Variants in PDE4D observed in about 807,000 individuals in gnomAD.
The protein encoded by PDE4D is 3',5'-cyclic-AMP phosphodiesterase 4D.
A neutral mutation model predicts 87.4 loss-of-function variants in PDE4D; 24 were observed. The ratio of observed to expected loss-of-function variants is 0.27; its 90% CI spans 0.20 to 0.39. The LOEUF (loss-of-function observed/expected upper bound fraction) is 0.39, where lower values mean the gene tolerates loss of function less well. PDE4D is among the 10% of genes least tolerant of loss of function. PDE4D has a pLI of 1.00. For missense variants in PDE4D, 714 were observed against 1,041.0 expected (o/e 0.69, Z 4.32); for synonymous variants, 384 against 383.2 (o/e 1.00, Z -0.02).
At chr5:59,554,543 T>A (rs1419679365) in intron 1 of PDE4D, among the ~76,000 whole-genome samples, 2 of 152,156 alleles carry the variant, frequency 1.3e-5, no homozygotes, top group Non-Finnish European at 2.9e-5. Context: ...GCGAGCAATA[T>A]CTAAAATCAA....
intron 1 of PDE4D, among the ~76,000 whole-genome samples, chr5:59,771,499 G>GAGAGAGAAGAAAGAAAGAAAGAAAGA (rs1554081503): frequency 5.1e-4 from 10 of 19,722 alleles, no homozygotes; most frequent in African/African-American, 8.1e-4. Flanking sequence ...GAGAGAGAGA[G>GAGAGAGAAGAAAGAAAGAAAGAAAGA]AAGAAAGAAA....
chr5:60,421,455 C>T (rs557935576), intron 1 of PDE4D, among the ~76,000 whole-genome samples: 81 of 152,336 alleles, frequency 5.3e-4, no homozygotes, highest in African/African-American at 1.9e-3. Flanking sequence ...AGGGACCTGA[C>T]TGTTAGGAGG....
chr5:60,511,725 C>A (rs988807835), intron 1 of PDE4D, among the ~76,000 whole-genome samples: 5 of 151,706 alleles, frequency 3.3e-5, no homozygotes, highest in Non-Finnish European at 7.4e-5. Context: ...CTATTCCAGC[C>A]CAGGTTTGTC....
chr5:60,185,926 T>C (rs1217332462), intron 1 of PDE4D, among the ~76,000 whole-genome samples: 1 of 134,400 alleles, frequency 7.4e-6, no homozygotes, highest in African/African-American at 2.8e-5. Flanking sequence ...ACTCTACAGT[T>C]TTAGTGGCTG....
chr5:59,163,078 A>G (rs1781375843), intron 5 of PDE4D, among the ~76,000 whole-genome samples: 1 of 149,374 alleles, frequency 6.7e-6, no homozygotes. Context: ...GATTACAGGC[A>G]TGTGCCACCA....
chr5:59,794,948 C>T (rs886359535), intron 1 of PDE4D, among the ~76,000 whole-genome samples: 15 of 152,132 alleles, frequency 9.9e-5, no homozygotes, highest in Non-Finnish European at 1.9e-4. Flanking sequence ...GAGAAGCTGC[C>T]TGAGTTCAGC....
chr5:59,056,962 G>T (rs1762469256), intron 5 of PDE4D, among the ~76,000 whole-genome samples: 2 of 152,064 alleles, frequency 1.3e-5, no homozygotes, highest in Admixed American at 6.6e-5. Context: ...TTCACTTTTT[G>T]CTCCCATTAT....
chr5:59,580,877 AT>A (rs950761401), intron 1 of PDE4D, among the ~76,000 whole-genome samples: 13 of 151,330 alleles, frequency 8.6e-5, no homozygotes, highest in East Asian at 1.9e-4. Flanking sequence ...TTTTTAAATT[AT>A]TTTTTTTTAG....
At chr5:59,080,005 A>C (rs939381668) in intron 5 of PDE4D, among the ~76,000 whole-genome samples, 2 of 152,038 alleles carry the variant, frequency 1.3e-5, no homozygotes, top group African/African-American at 4.8e-5. Context: ...GTACAACTTA[A>C]AACTCAGCTG....
intron 3 of PDE4D, among the ~76,000 whole-genome samples, chr5:59,985,726 C>T (rs1368927745): frequency 6.6e-6 from 1 of 152,040 alleles, no homozygotes; most frequent in African/African-American, 2.4e-5. Flanking sequence ...CATAGTCATT[C>T]CTTGGTATAT....
chr5:60,320,279 G>A (rs1033006440), intron 1 of PDE4D, among the ~76,000 whole-genome samples: 1 of 152,240 alleles, frequency 6.6e-6, no homozygotes, highest in Non-Finnish European at 1.5e-5. Flanking sequence ...GACCCTCTGA[G>A]CCATGCACGG....
In PDE4D at chr5:58,977,324, T is replaced by C; in HGVS notation, c.1574A>G (p.Tyr525Cys). ...INTNSELALMYNDSSVLENHH... is the reference protein window; with the variant it reads ...INTNSELALMCNDSSVLENHH... ...GTTCTCTAAGACTGAGGAATCATTG[T>C]ACATCAAGGCAAGTTCAGAGTCTGT... The change falls in exon 12 of 15, where the codon TAC (tyrosine) becomes TGC (cysteine). Residue 525 changes from tyrosine (Y) to cysteine (C), a missense_variant. Around this residue, in one of 7 missense-constraint regions of PDE4D, gnomAD observed 26 missense variants for 96.9 expected, o/e 0.27. Coordinates refer to ENST00000340635, the MANE Select transcript of PDE4D (RefSeq NM_001104631.2). The C allele has an allele frequency of 6.2e-7, 1 of 1,611,040 alleles. No homozygotes were observed. Among genetic ancestry groups the C allele is most frequent in the Non-Finnish European group, 8.5e-7 (1 of 1,179,114 alleles).
intron 1 of PDE4D, among the ~76,000 whole-genome samples, chr5:60,188,997 C>CT (rs1388668429): frequency 7.9e-5 from 12 of 152,314 alleles, no homozygotes; most frequent in Non-Finnish European, 1.5e-4. Context: ...AGGCAGTTAT[C>CT]TTAGTTCCTG....
chr5:59,764,899 C>T (rs954399084), intron 1 of PDE4D, among the ~76,000 whole-genome samples: 12 of 152,008 alleles, frequency 7.9e-5, no homozygotes, highest in South Asian at 2.1e-4. Flanking sequence ...TCAGGGACTC[C>T]GCCCTCCTCA....
chr5:58,983,682 A>C (rs758911507), intron 11 of PDE4D, among the ~76,000 whole-genome samples: 6 of 152,226 alleles, frequency 3.9e-5, no homozygotes, highest in African/African-American at 7.2e-5. Flanking sequence ...TCTGCCACTG[A>C]CATTTCAAGC....
At chr5:59,552,313 G>T (rs1273732042) in intron 1 of PDE4D, among the ~76,000 whole-genome samples, 1 of 151,704 alleles carries the variant, frequency 6.6e-6, no homozygotes, top group East Asian at 1.9e-4. Flanking sequence ...TTTTGTATTT[G>T]GCTACCTATC....
intron 1 of PDE4D, among the ~76,000 whole-genome samples, chr5:59,299,643 G>A (rs373883793): frequency 6.6e-6 from 1 of 152,040 alleles, no homozygotes; most frequent in African/African-American, 2.4e-5. Context: ...GTCTGTTTTT[G>A]GTAAATATGG....
intron 1 of PDE4D, among the ~76,000 whole-genome samples, chr5:60,497,145 T>C (rs2150241895): frequency 6.6e-6 from 1 of 152,316 alleles, no homozygotes. Flanking sequence ...GCAAGAAGAT[T>C]ATACATTTCA....
chr5:60,309,512 C>T (rs1018660446), intron 1 of PDE4D, among the ~76,000 whole-genome samples: 1 of 152,122 alleles, frequency 6.6e-6, no homozygotes, highest in Non-Finnish European at 1.5e-5. Context: ...GAGAGATGGA[C>T]ACTTAGGCTT....
Sources: allele counts gnomAD v4.1 joint callset (sites outside exome capture counted in the v4.1 genomes callset), GRCh38; gene constraint gnomAD v4.1.1; regional missense constraint gnomAD v4.1.1; transcripts MANE v1.5; gene names NCBI Gene and HGNC (gene_info 2026-07-23, HGNC 2026-07-21).